KIF3B: variants seen among roughly 807,000 people sequenced by gnomAD.
KIF3B encodes kinesin-like protein KIF3B.
In KIF3B, 38 loss-of-function variants were observed where a neutral mutation model predicts 74.3. The observed-to-expected ratio is 0.51, with a 90% confidence interval of 0.39 to 0.67. The LOEUF (loss-of-function observed/expected upper bound fraction) is 0.67. KIF3B is among the 30% of genes least tolerant of loss of function. The probability of loss-of-function intolerance (pLI) is 0.00; values close to 1 mark genes in which losing one functional copy is unlikely to be tolerated. For synonymous variants in KIF3B, 326 were observed against 342.5 expected (o/e 0.95, Z 0.53); for missense variants, 649 against 932.0 (o/e 0.70, Z 3.95).
rs181066824 is a variant in KIF3B, at chr20:32,313,454, T to C, written c.1404+2273T>C. Among the ~76,000 whole-genome samples, 6 of 152,290 alleles carry C rather than the reference T, an allele frequency of 3.9e-5. No individual in the cohort carries two copies. In the East Asian group the frequency reaches 1.2e-3, roughly 29 times the overall value. Reference sequence around the variant, plus strand: ...TATGAAGCTGTACTGTTTTTTTGTTTGTTTGTTTTAATCAGTGGCTTCATA... The same window carrying C: ...TATGAAGCTGTACTGTTTTTTTGTTCGTTTGTTTTAATCAGTGGCTTCATA... On this transcript the variant is annotated intron_variant, in intron 2 of 8. Transcript: ENST00000375712.
At chr20:32,298,165 C>T (rs2047725426) in intron 1 of KIF3B, among the ~76,000 whole-genome samples, 1 of 150,076 alleles carries the variant, frequency 6.7e-6, no homozygotes, top group Admixed American at 6.7e-5. Context: ...AGGCCTGGTG[C>T]AATGTCACAC....
chr20:32,301,881 G>A (rs767914941), intron 1 of KIF3B, among the ~76,000 whole-genome samples: 3 of 152,294 alleles, frequency 2.0e-5, no homozygotes, highest in South Asian at 2.1e-4. Flanking sequence ...GTTGGAGAAC[G>A]GTCTGGAAGA....
At chr20:32,304,284 G>A (rs1040559255) in intron 1 of KIF3B, among the ~76,000 whole-genome samples, 1 of 152,200 alleles carries the variant, frequency 6.6e-6, no homozygotes, top group Admixed American at 6.5e-5. Flanking sequence ...TTAAGCCACA[G>A]CATATATGCC....
At chr20:32,280,212 G>A (rs990209205) in intron 1 of KIF3B, among the ~76,000 whole-genome samples, 13 of 152,100 alleles carry the variant, frequency 8.5e-5, no homozygotes, top group Admixed American at 1.3e-4. Flanking sequence ...ATTAGCTATC[G>A]TTATTTGGGT....
intron 1 of KIF3B, among the ~76,000 whole-genome samples, chr20:32,307,807 TAC>T (rs2047779043): frequency 6.6e-6 from 1 of 150,752 alleles, no homozygotes; most frequent in Non-Finnish European, 1.5e-5. Flanking sequence ...TAGTCCCAGT[TAC>T]TCGGGAGGCT....
At chr20:32,292,626 C>T (rs1487992985) in intron 1 of KIF3B, among the ~76,000 whole-genome samples, 3 of 148,016 alleles carry the variant, frequency 2.0e-5, no homozygotes, top group Admixed American at 6.8e-5. Context: ...GGTCCAGTGG[C>T]GCACGCCTGT....
Position 32,310,283 on chromosome 20 carries a change from G to C in KIF3B, c.506G>C (p.Arg169Thr), listed in dbSNP as rs373048849. 8 of 1,613,858 alleles carry C rather than the reference G, an allele frequency of 5.0e-6. No homozygotes were observed. The highest frequency in any genetic ancestry group is 5.9e-6 in the Non-Finnish European group (7 of 1,179,986). Residue 169 changes from arginine (R) to threonine (T), a missense_variant, in exon 2 of 9, where the codon AGG becomes ACG. By Grantham distance (71) the Arg-to-Thr change is moderately conservative (BLOSUM62 -1). Around this residue, in one of 4 missense-constraint regions of KIF3B, gnomAD observed 363 missense variants for 592.8 expected, o/e 0.61. Transcript: ENST00000375712. This position sits in a 1 kb window ranked among gnomAD's most constrained non-coding sequence, Gnocchi z 6.5. The part of the protein sequence containing the change: ...DQTKRLELKE[R>T]PDTGVYVKDL... Reference sequence around the variant, plus strand: ...ACCAAAAGGCTTGAGCTCAAAGAGAGGCCTGACACAGGAGTGTATGTGAAA... The same window carrying C: ...ACCAAAAGGCTTGAGCTCAAAGAGACGCCTGACACAGGAGTGTATGTGAAA...
At position 32,279,186 on chromosome 20, in the gene KIF3B, G is replaced by C. The variant is rs146761843; in HGVS notation, c.-66+1421G>C. ...GATATACCTGCCTCGGCCTCCCAAA[G>C]TGCTAGGATTACATGCGTGAGCCAC... On this transcript the variant is annotated intron_variant, in intron 1 of 8. Coordinates refer to ENST00000375712, the MANE Select transcript of KIF3B (RefSeq NM_004798.4). Among the ~76,000 whole-genome samples the C allele has an allele frequency of 2.9e-3, 445 of 152,106 alleles. 2 individuals carry two copies. The highest frequency in any genetic ancestry group is 3.8e-3 in the Non-Finnish European group (258 of 67,992).
At chr20:32,328,166 G>A (rs977082113) in intron 7 of KIF3B, among the ~76,000 whole-genome samples, 1 of 152,066 alleles carries the variant, frequency 6.6e-6, no homozygotes, top group Non-Finnish European at 1.5e-5. Context: ...GCTGATGCCT[G>A]TAATCCCAGC....
In KIF3B at chr20:32,331,353, A is replaced by G. The variant is rs570155764; in HGVS notation, c.*34A>G. 2.0e-6 allele frequency: 3 copies of G among 1,537,500 alleles called. No individual in the cohort carries two copies. Among genetic ancestry groups the G allele is most frequent in the African/African-American group, 1.4e-5 (1 of 72,154 alleles). On this transcript the variant is annotated 3_prime_UTR_variant, in exon 9 of 9. Coordinates refer to ENST00000375712, the MANE Select transcript of KIF3B (RefSeq NM_004798.4). ...TCTCCTCTCCCAGGGCGGAAACAGCATTTGCCTTCTGAGAGAAGAGACTAG... is the reference window on the plus strand; with the variant it reads ...TCTCCTCTCCCAGGGCGGAAACAGCGTTTGCCTTCTGAGAGAAGAGACTAG...
intron 1 of KIF3B, among the ~76,000 whole-genome samples, chr20:32,287,047 A>G (rs2047670376): frequency 1.3e-5 from 2 of 152,248 alleles, no homozygotes; most frequent in Admixed American, 6.5e-5. Flanking sequence ...GTTTTAGCTT[A>G]CTTGACTACT....
intron 2 of KIF3B, among the ~76,000 whole-genome samples, chr20:32,312,488 GC>G (rs1487118274): frequency 6.6e-6 from 1 of 152,000 alleles, no homozygotes; most frequent in Non-Finnish European, 1.5e-5. Context: ...TTGTTTCCTT[GC>G]TTTTCCTTAT....
At chr20:32,309,429 A>G (rs2047788698) in intron 1 of KIF3B, among the ~76,000 whole-genome samples, 1 of 152,090 alleles carries the variant, frequency 6.6e-6, no homozygotes, top group Admixed American at 6.6e-5. Flanking sequence ...GGCCTCCCAG[A>G]GTGAGACCCA....
chr20:32,299,394 TATATATA>T (rs2047731487), intron 1 of KIF3B, among the ~76,000 whole-genome samples: 1 of 54,868 alleles, frequency 1.8e-5, no homozygotes, highest in Non-Finnish European at 3.2e-5. Flanking sequence ...TATATATATA[TATATATA>T]TATTTTTTTT....
Position 32,310,018 on chromosome 20 carries a change from G to A in KIF3B, c.241G>A (p.Val81Ile), listed in dbSNP as rs1175950764. The change falls in exon 2 of 9, where the codon GTT becomes ATT. Residue 81 changes from valine to isoleucine, a missense_variant. Val to Ile is a conservative substitution (Grantham distance 29). Around this residue, in one of 4 missense-constraint regions of KIF3B, gnomAD observed 96 missense variants for 119.0 expected, o/e 0.81. Coordinates refer to ENST00000375712, the MANE Select transcript of KIF3B (RefSeq NM_004798.4). The surrounding 1 kb of genome is among the most constrained non-coding windows in gnomAD (Gnocchi z 6.5). The stretch of plus-strand genomic sequence containing the variant: ...GTACGATGAGACGTTCCGACCACTT[G>A]TTGACTCTGTCCTGCAAGGTTTCAA... The part of the protein sequence containing the change: ...ELYDETFRPL[V>I]DSVLQGFNGT... 1 of 1,614,138 alleles carries A rather than the reference G, an allele frequency of 6.2e-7. No individual in the cohort carries two copies. The highest frequency in any genetic ancestry group is 2.2e-5 in the East Asian group (1 of 44,884).
chr20:32,287,162 CTTAT>C (rs557738419), intron 1 of KIF3B, among the ~76,000 whole-genome samples: 58 of 152,152 alleles, frequency 3.8e-4, no homozygotes, highest in South Asian at 1.7e-3. Context: ...TATTTTTGTA[CTTAT>C]TTATTTCAAT....
intron 1 of KIF3B, among the ~76,000 whole-genome samples, chr20:32,306,503 G>C (rs192323422): frequency 6.6e-6 from 1 of 151,140 alleles, no homozygotes; most frequent in South Asian, 2.1e-4. Flanking sequence ...ATTAATGATT[G>C]TGGGATTGAA....
rs71187110 is a variant in KIF3B at position 32,333,632 on chromosome 20, C to CAAAAAAAAAAAAAA, written c.*2326_*2339dup. ...TGGGTGACAGAGTGAGACTCCCCCT[C>CAAAAAAAAAAAAAA]AAAAAAAAAAAAAAAAAAAAAAAAA... On this transcript the variant is annotated 3_prime_UTR_variant, in exon 9 of 9. Transcript: ENST00000375712. 3 of 33,802 alleles carry CAAAAAAAAAAAAAA rather than the reference C, an allele frequency of 8.9e-5. 1 individual carries two copies. Among genetic ancestry groups the CAAAAAAAAAAAAAA allele is most frequent in the African/African-American group, 1.8e-4 (2 of 11,056 alleles). The allele number at this position is 33,802 out of a possible 1,614,324, so 2.1% of individuals were successfully genotyped here. A position where few individuals can be genotyped will look rare whatever the true frequency, so the allele number is the denominator to read the frequency against.
intron 2 of KIF3B, among the ~76,000 whole-genome samples, chr20:32,314,085 C>A (rs1448273154): frequency 6.6e-6 from 1 of 152,142 alleles, no homozygotes; most frequent in Non-Finnish European, 1.5e-5. Flanking sequence ...CCAGGAGCAC[C>A]TAGATTCTCT....
Sources: allele counts gnomAD v4.1 joint callset (sites outside exome capture counted in the v4.1 genomes callset), GRCh38; gene constraint gnomAD v4.1.1; regional missense constraint gnomAD v4.1.1; non-coding constraint Gnocchi (gnomAD v3.1); transcripts MANE v1.5; gene names NCBI Gene and HGNC (gene_info 2026-07-23, HGNC 2026-07-21).